The following USP24 variants were observed in gnomAD, a reference collection of about 807,000 sequenced individuals.
USP24 encodes ubiquitin carboxyl-terminal hydrolase 24.
Under a neutral mutation model 361.6 loss-of-function variants are expected in USP24, and 97 were observed. The observed-to-expected ratio is 0.27, with a 90% CI of 0.23 to 0.32. The LOEUF is 0.32. Among genes scored for constraint, USP24 ranks in the 10% least tolerant of loss-of-function variants. The pLI, the probability that USP24 is intolerant of heterozygous loss-of-function variation, is 1.00. For synonymous variants in USP24, 1,098 were observed against 1,124.6 expected (o/e 0.98, Z 0.47); for missense variants, 2,353 against 3,165.6 (o/e 0.74, Z 6.16).
chr1:55,173,655 C>G (rs1337389887), intron 3 of USP24, among the ~76,000 whole-genome samples: 1 of 151,998 alleles, frequency 6.6e-6, no homozygotes, highest in Non-Finnish European at 1.5e-5. Context: ...CTGGAAGAGC[C>G]CAAACTGTAA....
intron 67 of USP24, among the ~76,000 whole-genome samples, chr1:55,070,424 G>A (rs1383858686): frequency 1.3e-5 from 2 of 152,208 alleles, no homozygotes; most frequent in South Asian, 2.1e-4. Flanking sequence ...GGAAAACTAC[G>A]AGAGAGAAGT....
chr1:55,157,356 T>C lies in USP24; in HGVS notation c.1242A>G (p.Ile414Met). The change falls in exon 11 of 68, where the codon ATA (isoleucine) becomes ATG (methionine). Residue 414 changes from isoleucine to methionine, a missense_variant. Transcript: ENST00000294383. Reference sequence around the variant, plus strand: ...CAGATTTGGATAAAGTGCTATCTTCTATTAGTTTGGTTACCTAAAAAGATA... The same window carrying C: ...CAGATTTGGATAAAGTGCTATCTTCCATTAGTTTGGTTACCTAAAAAGATA... ...MNSLKEVTKL[I>M]EDSTLSKSVK... 6.3e-7 allele frequency: 1 copy of C among 1,582,918 alleles called. No individual in the cohort carries two copies.
intron 38 of USP24, among the ~76,000 whole-genome samples, chr1:55,118,527 G>A (rs1400604566): frequency 1.3e-5 from 2 of 152,190 alleles, no homozygotes; most frequent in South Asian, 4.1e-4. Flanking sequence ...GGAAAACTTT[G>A]TGACACAGGA....
chr1:55,085,638 C>T (rs1210567965), intron 56 of USP24, among the ~76,000 whole-genome samples: 1 of 152,152 alleles, frequency 6.6e-6, no homozygotes, highest in Non-Finnish European at 1.5e-5. Flanking sequence ...ACAGATTAGT[C>T]TCAGTTCAGA....
intron 39 of USP24, among the ~76,000 whole-genome samples, chr1:55,109,113 C>A (rs1233505918): frequency 6.6e-6 from 1 of 152,174 alleles, no homozygotes; most frequent in Non-Finnish European, 1.5e-5. Flanking sequence ...TTCGGCCTCC[C>A]GAGCAGCTGG....
chr1:55,148,639 A>C (rs561603472), intron 16 of USP24, 69 bp from the exon 17 acceptor site: 2 of 1,215,870 alleles, frequency 1.6e-6, no homozygotes, highest in Non-Finnish European at 2.3e-6. Flanking sequence ...TTAGCTATAA[A>C]AAATTTCAAG....
chr1:55,198,253 A>T, intron 1 of USP24, among the ~76,000 whole-genome samples: 1 of 152,122 alleles, frequency 6.6e-6, no homozygotes, highest in East Asian at 1.9e-4. Context: ...ACGTGCTGGG[A>T]TTACAGGCGT....
In USP24 at chr1:55,148,454, T is replaced by C. The variant is rs1277561452; in HGVS notation, c.1968+9A>G. The C allele has an allele frequency of 3.2e-6, 5 of 1,545,666 alleles. No homozygotes were observed. The highest frequency in any genetic ancestry group is 4.0e-5 in the Admixed American group (2 of 50,512). On this transcript the variant is annotated intron_variant, in intron 17 of 67. Coordinates refer to ENST00000294383, the MANE Select transcript of USP24 (RefSeq NM_015306.3). ...TAACTATAATAATAAAAAATAGCTA[T>C]ACCCTTACCTTGTCTTGCTTTTGAT... is the stretch of plus-strand genomic sequence containing the variant.
At chr1:55,172,735 G>C (rs1649579663) in intron 3 of USP24, among the ~76,000 whole-genome samples, 1 of 152,036 alleles carries the variant, frequency 6.6e-6, no homozygotes, top group Non-Finnish European at 1.5e-5. Flanking sequence ...TAATTCTCTT[G>C]CATGAAAGCA....
At chr1:55,135,985 C>T (rs967371324) in intron 28 of USP24, among the ~76,000 whole-genome samples, 3 of 151,784 alleles carry the variant, frequency 2.0e-5, no homozygotes, top group South Asian at 2.1e-4. Flanking sequence ...GTGTCGAGGA[C>T]GCAGCAGTGA....
chr1:55,122,715 A>G (rs1450878475), intron 36 of USP24, among the ~76,000 whole-genome samples: 3 of 152,168 alleles, frequency 2.0e-5, no homozygotes, highest in Non-Finnish European at 4.4e-5. Flanking sequence ...TGAAAAAAAG[A>G]TATCAAAGAT....
At chr1:55,085,271 T>C (rs966832402) in intron 56 of USP24, among the ~76,000 whole-genome samples, 7 of 152,310 alleles carry the variant, frequency 4.6e-5, no homozygotes, top group Admixed American at 1.3e-4. Context: ...TGGATCAACA[T>C]CCTCCTTAAA....
Position 55,141,703 on chromosome 1 carries a change from G to A in USP24, c.2663C>T (p.Thr888Ile). The A allele has an allele frequency of 1.9e-6, 3 of 1,610,494 alleles. No homozygotes were observed. The highest frequency in any genetic ancestry group is 2.5e-6 in the Non-Finnish European group (3 of 1,178,296). The change falls in exon 24 of 68, where the codon ACT becomes ATT. Residue 888 changes from threonine to isoleucine, a missense_variant. Around this residue, in one of 8 missense-constraint regions of USP24, gnomAD observed 949 missense variants for 1,280.5 expected, o/e 0.74. Coordinates refer to ENST00000294383, the MANE Select transcript of USP24 (RefSeq NM_015306.3). Reference protein sequence around the residue: ...EAASSALGGPTLTHAVTRATK... With the variant: ...EAASSALGGPILTHAVTRATK... The stretch of plus-strand genomic sequence containing the variant: ...TGCTCTGGTCACAGCATGTGTTAGA[G>A]TGGGGCCACCAAGTGCTGAACTGGC...
At chr1:55,189,842 G>A (rs1644239761) in intron 1 of USP24, among the ~76,000 whole-genome samples, 1 of 152,016 alleles carries the variant, frequency 6.6e-6, no homozygotes, top group Non-Finnish European at 1.5e-5. Context: ...TAACACATAT[G>A]GCAATTAGCT....
intron 1 of USP24, among the ~76,000 whole-genome samples, chr1:55,211,187 G>T (rs1053216176): frequency 6.6e-6 from 1 of 152,192 alleles, no homozygotes; most frequent in Admixed American, 6.5e-5. Context: ...AGTAAAGAGT[G>T]AAGAATTCTG....
Position 55,214,875 on chromosome 1 carries a change from C to T in USP24, c.239G>A (p.Gly80Asp), listed in dbSNP as rs1644947446. The change falls in exon 1 of 68, where the codon GGC becomes GAC. Residue 80 changes from glycine to aspartate, a missense_variant. Transcript: ENST00000294383. Reference sequence around the variant, plus strand: ...GCTCCCGCCGCGGGAGGGGCCGCCGCCGCCGCCGTCACCTCCGCCGTCGCC... The same window carrying T: ...GCTCCCGCCGCGGGAGGGGCCGCCGTCGCCGCCGTCACCTCCGCCGTCGCC... ...PRGDGGGDGG[G>D]GGPSRGGSTG... 8.2e-7 allele frequency: 1 copy of T among 1,222,118 alleles called. No homozygotes were observed. The highest frequency in any genetic ancestry group is 1.0e-6 in the Non-Finnish European group (1 of 975,908). The allele number at this position is 1,222,118 out of a possible 1,614,324, so 75.7% of individuals were successfully genotyped here. A position where few individuals can be genotyped will look rare whatever the true frequency, so the allele number is the denominator to read the frequency against.
Position 55,078,234 on chromosome 1 carries a change from A to ACTGGTGATGACCACAGTAGACTCTGGT in USP24, c.7314+277_7314+303dup, listed in dbSNP as rs527648549. On this transcript the variant is annotated intron_variant, in intron 61 of 67. Transcript: ENST00000294383. ...CCCTGGGGTAGCGTGAGCAAGGATG[A>ACTGGTGATGACCACAGTAGACTCTGGT]CTGGTGATGACCACAGTAGACTCTG... 6.2e-3 allele frequency among the ~76,000 whole-genome samples: 950 copies of ACTGGTGATGACCACAGTAGACTCTGGT among 152,278 alleles called. 25 individuals carry two copies. Among genetic ancestry groups the ACTGGTGATGACCACAGTAGACTCTGGT allele is most frequent in the East Asian group, 0.032 (168 of 5,190 alleles).
At position 55,107,290 on chromosome 1, in the gene USP24, G is replaced by GT; in HGVS notation, c.4710dup (p.Arg1571ThrfsTer23). The GT allele has an allele frequency of 6.2e-7, 1 of 1,613,872 alleles. No homozygotes were observed. The highest frequency in any genetic ancestry group is 8.5e-7 in the Non-Finnish European group (1 of 1,179,840). On this transcript the variant is annotated frameshift_variant, in exon 40 of 68. Transcript: ENST00000294383. LOFTEE classifies it high-confidence loss of function. ...AGTGAAAGAAGGGTCTTGATGAGGC[G>GT]TAAGTGCCCTGCCAGTAAGATGTTG...
At chr1:55,096,009 TCTC>T (rs1433134228) in intron 50 of USP24, among the ~76,000 whole-genome samples, 2 of 152,198 alleles carry the variant, frequency 1.3e-5, no homozygotes, top group African/African-American at 4.8e-5. Context: ...GGGCTGTACT[TCTC>T]CTCATACTCT....
Sources: allele counts gnomAD v4.1 joint callset (sites outside exome capture counted in the v4.1 genomes callset), GRCh38; gene constraint gnomAD v4.1.1; regional missense constraint gnomAD v4.1.1; transcripts MANE v1.5; gene names NCBI Gene and HGNC (gene_info 2026-07-23, HGNC 2026-07-21).